The following SLC16A10 variants were observed in gnomAD, a reference collection of about 807,000 sequenced individuals.
SLC16A10 encodes monocarboxylate transporter 10.
Under a neutral mutation model 40.0 loss-of-function variants are expected in SLC16A10, and 27 were observed. That is an observed-to-expected ratio of 0.67 (90% CI 0.50 to 0.93). The LOEUF (loss-of-function observed/expected upper bound fraction) is 0.93. SLC16A10 is among the 40% of genes least tolerant of loss of function. The pLI is 0.00. For missense variants in SLC16A10, 529 were observed against 658.2 expected, an observed-to-expected ratio of 0.80 and a Z score of 2.15; for synonymous variants, 213 against 249.8, an observed-to-expected ratio of 0.85 and a Z score of 1.39.
intron 1 of SLC16A10, among the ~76,000 whole-genome samples, chr6:111,143,083 A>G (rs1772012692): frequency 2.0e-5 from 3 of 152,072 alleles, no homozygotes; most frequent in Non-Finnish European, 4.4e-5. Flanking sequence ...GAACCTTTAT[A>G]TTTTTATTTT....
At chr6:111,113,787 G>T (rs1341026405) in intron 1 of SLC16A10, among the ~76,000 whole-genome samples, 2 of 152,164 alleles carry the variant, frequency 1.3e-5, no homozygotes, top group Non-Finnish European at 2.9e-5. Flanking sequence ...AGTGAATGAG[G>T]CTGCAGTCTC....
At chr6:111,172,098 T>C (rs568700922) in intron 1 of SLC16A10, among the ~76,000 whole-genome samples, 1 of 152,300 alleles carries the variant, frequency 6.6e-6, no homozygotes, top group South Asian at 2.1e-4. Context: ...TCTCTAATCT[T>C]TAATAATTCT....
rs33965856 is a variant in SLC16A10 at position 111,172,750 on chromosome 6, C to T, written c.399C>T (p.Ser133=). ...GMIFFCCPIV[S]VFTDLFGCRK... is the part of the protein sequence containing the mutation. ...TTTTCTTTTGCTGCCCAATAGTCAGCGTCTTCACAGACCTATTTGGTTGTC... is the reference window on the plus strand; with the variant it reads ...TTTTCTTTTGCTGCCCAATAGTCAGTGTCTTCACAGACCTATTTGGTTGTC... Residue 133 remains serine, a synonymous_variant, in exon 2 of 6, where the codon AGC becomes AGT. Coordinates refer to ENST00000368851, the MANE Select transcript of SLC16A10 (RefSeq NM_018593.5). 97,493 of 1,614,000 alleles carry T rather than the reference C, an allele frequency of 0.06. 3,303 individuals are homozygous for T. The highest frequency in any genetic ancestry group is 0.073 in the Middle Eastern group (443 of 6,060).
intron 1 of SLC16A10, among the ~76,000 whole-genome samples, chr6:111,148,017 T>C (rs1284475119): frequency 6.6e-6 from 1 of 152,184 alleles, no homozygotes; most frequent in East Asian, 1.9e-4. Context: ...ATACTTTAAA[T>C]AGATGCCTGT....
chr6:111,112,678 G>A (rs2114461025), intron 1 of SLC16A10, among the ~76,000 whole-genome samples: 1 of 152,278 alleles, frequency 6.6e-6, no homozygotes, highest in South Asian at 2.1e-4. Flanking sequence ...TTATAGGTAT[G>A]GCACATTCCA....
intron 1 of SLC16A10, among the ~76,000 whole-genome samples, chr6:111,117,166 C>T (rs1241007162): frequency 4.6e-5 from 7 of 151,734 alleles, no homozygotes; most frequent in African/African-American, 1.2e-4. Flanking sequence ...CTGGCTAACA[C>T]GTTGAAACCC....
At chr6:111,168,500 A>AG in intron 1 of SLC16A10, among the ~76,000 whole-genome samples, 1 of 152,336 alleles carries the variant, frequency 6.6e-6, no homozygotes, top group East Asian at 1.9e-4. Context: ...CAGACTTGGA[A>AG]GGGGTGAAAG....
At chr6:111,162,858 A>G (rs1323369590) in intron 1 of SLC16A10, among the ~76,000 whole-genome samples, 1 of 152,126 alleles carries the variant, frequency 6.6e-6, no homozygotes, top group Non-Finnish European at 1.5e-5. Flanking sequence ...CTATTAGTTC[A>G]GTACATTCTA....
intron 4 of SLC16A10, among the ~76,000 whole-genome samples, chr6:111,213,162 G>C (rs1206402822): frequency 6.6e-6 from 1 of 152,138 alleles, no homozygotes; most frequent in Non-Finnish European, 1.5e-5. Context: ...TCTGTGACAT[G>C]GACATATTGA....
At chr6:111,125,527 T>C (rs1191137107) in intron 1 of SLC16A10, among the ~76,000 whole-genome samples, 1 of 152,186 alleles carries the variant, frequency 6.6e-6, no homozygotes, top group Non-Finnish European at 1.5e-5. Flanking sequence ...CCACATCTCA[T>C]CAAACCGCCC....
chr6:111,167,799 G>A (rs1772505200), intron 1 of SLC16A10, among the ~76,000 whole-genome samples: 1 of 151,982 alleles, frequency 6.6e-6, no homozygotes, highest in Non-Finnish European at 1.5e-5. Flanking sequence ...CTGCCAAGAA[G>A]CTGGGGGTAC....
At chr6:111,170,998 G>A (rs1772575821) in intron 1 of SLC16A10, among the ~76,000 whole-genome samples, 1 of 152,018 alleles carries the variant, frequency 6.6e-6, no homozygotes, top group Non-Finnish European at 1.5e-5. Flanking sequence ...ATTAGCTGGT[G>A]TGGTGGCACA....
At chr6:111,193,184 C>G in intron 3 of SLC16A10, 1,303 of 374,638 alleles carry the variant, frequency 3.5e-3, no homozygotes, top group Non-Finnish European at 4.3e-3. Context: ...GATTAAGACA[C>G]CTTCTCTCCT....
At chr6:111,217,687 T>C (rs1770790721) in intron 4 of SLC16A10, among the ~76,000 whole-genome samples, 1 of 152,128 alleles carries the variant, frequency 6.6e-6, no homozygotes, top group African/African-American at 2.4e-5. Flanking sequence ...CCCGACCTCA[T>C]GATCTGCCCA....
intron 3 of SLC16A10, among the ~76,000 whole-genome samples, chr6:111,182,310 C>CTTTTTTTTTTTTTTTT (rs372963281): frequency 1.9e-5 from 2 of 103,624 alleles, no homozygotes; most frequent in Non-Finnish European, 3.6e-5. Flanking sequence ...CTCTGGGTTT[C>CTTTTTTTTTTTTTTTT]TTTTTTTTTT....
At chr6:111,111,809 T>C (rs1418557938) in intron 1 of SLC16A10, among the ~76,000 whole-genome samples, 1 of 152,198 alleles carries the variant, frequency 6.6e-6, no homozygotes, top group Non-Finnish European at 1.5e-5. Context: ...ATTTATAAAG[T>C]GTACAATTTA....
At chr6:111,177,152 C>T in intron 2 of SLC16A10, 60 bp from the exon 3 acceptor site, 3 of 1,145,836 alleles carry the variant, frequency 2.6e-6, no homozygotes, top group South Asian at 3.3e-5. Flanking sequence ...AGATTTTATT[C>T]TACCAAGCAC....
chr6:111,225,758 C>CCT lies in SLC16A10; in HGVS notation c.*3524_*3525dup, dbSNP rs1770985690. ...ACGAGATCGGGGAGGGGGAAGGCAA[C>CCT]CTATAGCATGGGTGGCTCTGAGGAG... On this transcript the variant is annotated 3_prime_UTR_variant, in exon 6 of 6. Transcript: ENST00000368851. The CCT allele has an allele frequency of 6.6e-6, 1 of 152,040 alleles. No homozygotes were observed. The highest frequency in any genetic ancestry group is 2.4e-5 in the African/African-American group (1 of 41,384). 9.4% of individuals were successfully genotyped at this position (152,040 alleles called of 1,614,324 possible). A position where few individuals can be genotyped will look rare whatever the true frequency, so the allele number is the denominator to read the frequency against.
chr6:111,097,415 G>A (rs1258577930), intron 1 of SLC16A10, among the ~76,000 whole-genome samples: 2 of 152,086 alleles, frequency 1.3e-5, no homozygotes, highest in East Asian at 1.9e-4. Context: ...GGGTTCAAGC[G>A]ATTTTCGTGT....
Sources: gnomAD v4.1 joint callset for allele counts (sites outside exome capture counted in the v4.1 genomes callset) on GRCh38, gnomAD v4.1.1 for gene constraint, MANE v1.5 for transcripts, NCBI Gene and HGNC (gene_info 2026-07-23, HGNC 2026-07-21) for gene names.